The following C2 variants were observed in gnomAD, a reference collection of about 807,000 sequenced individuals.
The protein encoded by C2 is C3/C5 convertase.
C2 carries 64 observed loss-of-function variants against 85.2 expected under a neutral mutation model. That is an observed-to-expected ratio of 0.75 (90% CI 0.61 to 0.92). The LOEUF is 0.92. Among genes scored for constraint, C2 ranks in the 40% least tolerant of loss-of-function variants. The pLI is 0.00. For missense variants in C2, 820 were observed against 971.6 expected (o/e 0.84, Z 2.07); for synonymous variants, 311 against 370.8 (o/e 0.84, Z 1.85).
At chr6:31,936,118 C>T in intron 7 of C2, 57 bp downstream of exon 7, 2 of 1,587,132 alleles carry the variant, frequency 1.3e-6, no homozygotes, top group Non-Finnish European at 8.6e-7. Flanking sequence ...CCTCTCAGGG[C>T]CTGCAAACAA....
Position 31,943,671 on chromosome 6 carries a change from A to T in C2, c.1595A>T (p.Glu532Val), listed in dbSNP as rs764576684. ...VGDPKSQWGK[E>V]FLIEKAVISP... ...GACCCCAAATCCCAGTGGGGCAAAG[A>T]ATTCCTTATTGAGAAGGCGGTGATC... Residue 532 changes from glutamate to valine, a missense_variant, in exon 13 of 18, where the codon GAA becomes GTA. Coordinates refer to ENST00000299367, the MANE Select transcript of C2 (RefSeq NM_000063.6). The surrounding 1 kb of genome is among the most constrained non-coding windows in gnomAD (Gnocchi z 6.4). 1.9e-6 allele frequency: 3 copies of T among 1,613,016 alleles called. No homozygotes were observed. The highest frequency in any genetic ancestry group is 2.2e-5 in the South Asian group (2 of 91,082).
intron 1 of C2, among the ~76,000 whole-genome samples, chr6:31,907,657 C>T (rs1264242063): frequency 6.6e-6 from 1 of 150,676 alleles, no homozygotes; most frequent in African/African-American, 2.4e-5. Context: ...AGGCTCACTG[C>T]AGCCTCGACC....
chr6:31,913,672 A>C (rs1768282437), intron 1 of C2, among the ~76,000 whole-genome samples: 1 of 151,862 alleles, frequency 6.6e-6, no homozygotes, highest in African/African-American at 2.4e-5. Context: ...TTTGAGATGG[A>C]GTCTCATTCT....
upstream of C2, among the ~76,000 whole-genome samples, chr6:31,925,833 C>A (rs557995320): frequency 9.0e-4 from 137 of 152,254 alleles, no homozygotes; most frequent in Non-Finnish European, 1.7e-3. Context: ...AAATACCCCC[C>A]ACCTTTACGA....
At chr6:31,900,482 C>G (rs143624178), upstream of C2, 127 of 1,606,586 alleles carry the variant, frequency 7.9e-5, 1 homozygote, top group African/African-American at 1.6e-3. The surrounding 1 kb of genome is among the most constrained non-coding windows in gnomAD (Gnocchi z 9.7). Context: ...CAGGCCCTCC[C>G]CTTCTGCATC....
At chr6:31,916,750 C>CT (rs67751925), upstream of C2, among the ~76,000 whole-genome samples, 17 of 110,926 alleles carry the variant, frequency 1.5e-4, no homozygotes, top group Admixed American at 4.0e-4. Context: ...GTTCTCTGCC[C>CT]TTTTTTTTTT....
chr6:31,930,666 A>T (rs1239861728), intron 3 of C2, among the ~76,000 whole-genome samples: 1 of 152,182 alleles, frequency 6.6e-6, no homozygotes, highest in Non-Finnish European at 1.5e-5. Context: ...CATACAGAAG[A>T]CACGGAGTCC....
chr6:31,936,372 T>C (rs1314474457), intron 7 of C2: 7 of 425,330 alleles, frequency 1.6e-5, no homozygotes, highest in Middle Eastern at 7.3e-4. Context: ...TAGCCACCCA[T>C]ACACCATGTA....
intron 1 of C2, among the ~76,000 whole-genome samples, chr6:31,905,118 C>A (rs575554939): frequency 3.3e-5 from 5 of 152,122 alleles, no homozygotes; most frequent in African/African-American, 1.2e-4. Flanking sequence ...GTGTCAAGAA[C>A]AGATAAATTT....
chr6:31,926,968 A>C (rs1769307341), upstream of C2, among the ~76,000 whole-genome samples: 5 of 152,196 alleles, frequency 3.3e-5, no homozygotes, highest in African/African-American at 1.2e-4. Context: ...GGCATATCCC[A>C]GCCCCCGCAA....
chr6:31,903,214 G>GT (rs1308496250), intron 1 of C2, among the ~76,000 whole-genome samples: 1 of 152,188 alleles, frequency 6.6e-6, no homozygotes. Context: ...AGACTAGTGC[G>GT]TTTTCCATAC....
chr6:31,899,557 C>G (rs1767030793), upstream of C2: 1 of 135,966 alleles, frequency 7.4e-6, no homozygotes, highest in African/African-American at 2.7e-5. Context: ...CTTCTTATCT[C>G]GAGAAATGTC....
At chr6:31,917,673 AGGTAGGC>A (rs1406186756), upstream of C2, among the ~76,000 whole-genome samples, 1 of 152,152 alleles carries the variant, frequency 6.6e-6, no homozygotes, top group African/African-American at 2.4e-5. Flanking sequence ...TGGGAGGCTG[AGGTAGGC>A]GGATCACCTG....
Position 31,939,328 on chromosome 6 carries a change from C to G in C2, c.1219+8C>G, listed in dbSNP as rs780806331. ...AGAGGAATGACTATCTGGGTGAGCCCCTGCCACTGCCACCACATTTGTTCT... is the reference window on the plus strand; with the variant it reads ...AGAGGAATGACTATCTGGGTGAGCCGCTGCCACTGCCACCACATTTGTTCT... On this transcript the variant is annotated splice_region_variant and intron_variant, in intron 9 of 17. Coordinates refer to ENST00000299367, the MANE Select transcript of C2 (RefSeq NM_000063.6). The G allele has an allele frequency of 6.3e-7, 1 of 1,593,106 alleles. No homozygotes were observed. The highest frequency in any genetic ancestry group is 8.6e-7 in the Non-Finnish European group (1 of 1,162,730).
intron 1 of C2, among the ~76,000 whole-genome samples, chr6:31,903,730 A>C (rs1364035798): frequency 1.3e-5 from 2 of 152,128 alleles, no homozygotes; most frequent in Non-Finnish European, 2.9e-5. Flanking sequence ...TCTTGAGCTG[A>C]AACTGAATTC....
Position 31,944,662 on chromosome 6 carries a change from T to C in C2, c.1903-65T>C. The stretch of plus-strand genomic sequence containing the variant: ...TCCCAAAGTGCTGAGATTACAGGCG[T>C]GAGCCACTGCACCCACCCGGGTCTG... On this transcript the variant is annotated intron_variant, in intron 15 of 17. Coordinates refer to ENST00000299367, the MANE Select transcript of C2 (RefSeq NM_000063.6). This position sits in a 1 kb window ranked among gnomAD's most constrained non-coding sequence, Gnocchi z 5.1. The C allele has an allele frequency of 6.3e-7, 1 of 1,590,278 alleles. No individual in the cohort carries two copies. The highest frequency in any genetic ancestry group is 8.6e-7 in the Non-Finnish European group (1 of 1,160,592).
chr6:31,902,233 C>G (rs923900296), intron 1 of C2, among the ~76,000 whole-genome samples: 8 of 151,682 alleles, frequency 5.3e-5, no homozygotes, highest in South Asian at 4.2e-4. Flanking sequence ...TTCCACACCC[C>G]CCTCTTTCTC....
rs1769383234 is a variant in C2 at position 31,927,867 on chromosome 6, A to C, written c.46+69A>C. 6.3e-7 allele frequency: 1 copy of C among 1,587,758 alleles called. No homozygotes were observed. The highest frequency in any genetic ancestry group is 8.7e-7 in the Non-Finnish European group (1 of 1,156,018). On this transcript the variant is annotated intron_variant, in intron 1 of 17. Coordinates refer to ENST00000299367, the MANE Select transcript of C2 (RefSeq NM_000063.6). This position sits in a 1 kb window ranked among gnomAD's most constrained non-coding sequence, Gnocchi z 4.7. Reference sequence around the variant, plus strand: ...GTTGGTGCTCCCAGCTTGAATTCCCATGTGTGAAACAGTCTCTTTTGCTTT... The same window carrying C: ...GTTGGTGCTCCCAGCTTGAATTCCCCTGTGTGAAACAGTCTCTTTTGCTTT...
At chr6:31,911,984 T>C (rs1768142097) in intron 1 of C2, among the ~76,000 whole-genome samples, 1 of 145,982 alleles carries the variant, frequency 6.9e-6, no homozygotes, top group African/African-American at 2.5e-5. Flanking sequence ...TTGCCAAGGC[T>C]GGTCTCTAAC....
Sources: gnomAD v4.1 joint callset for allele counts (sites outside exome capture counted in the v4.1 genomes callset) on GRCh38, gnomAD v4.1.1 for gene constraint, Gnocchi (gnomAD v3.1) non-coding constraint, MANE v1.5 for transcripts, NCBI Gene and HGNC (gene_info 2026-07-23, HGNC 2026-07-21) for gene names.